The following ZNF19 variants were observed in gnomAD, a reference collection of about 807,000 sequenced individuals.
The protein encoded by ZNF19 is zinc finger protein 19 (KOX 12).
Under a neutral mutation model 13.1 loss-of-function variants are expected in ZNF19, and 11 were observed. The observed-to-expected ratio is 0.84, with a 90% CI of 0.53 to 1.39. The LOEUF (loss-of-function observed/expected upper bound fraction) is 1.39, where lower values mean the gene tolerates loss of function less well. Among genes scored for constraint, ZNF19 ranks in the 40% most tolerant of loss-of-function variants. The pLI is 0.00. For missense variants in ZNF19, 560 were observed against 547.0 expected (o/e 1.02, Z -0.24); for synonymous variants, 186 against 187.0 (o/e 0.99, Z 0.04).
intron 1 of ZNF19, 21 bp downstream of exon 1, chr16:71,489,251 T>C: frequency 1.0e-6 from 1 of 985,564 alleles, no homozygotes; most frequent in Non-Finnish European, 1.2e-6. Context: ...CGCCCAACTG[T>C]GGGTCCTTGC....
chr16:71,485,232 C>T (rs749948961), intron 1 of ZNF19, among the ~76,000 whole-genome samples: 1 of 151,870 alleles, frequency 6.6e-6, no homozygotes, highest in Non-Finnish European at 1.5e-5. Context: ...GGCAGATCAC[C>T]TGAGGTCAGG....
At position 71,481,609 on chromosome 16, in the gene ZNF19, A is replaced by G. The variant is rs77610862; in HGVS notation, c.33+473T>C. Among the ~76,000 whole-genome samples the G allele has an allele frequency of 1.6e-4, 25 of 152,312 alleles. No individual in the cohort carries two copies. The East Asian group carries it at 4.6e-3, about 28-fold the overall frequency. On this transcript the variant is annotated intron_variant, in intron 3 of 5. Transcript: ENST00000288177. ...CGCCAGCAGTACTGACCTCAAGGACATATGTTTCCTGATTCTGAAGCCCAA... is the reference window on the plus strand; with the variant it reads ...CGCCAGCAGTACTGACCTCAAGGACGTATGTTTCCTGATTCTGAAGCCCAA...
intron 3 of ZNF19, among the ~76,000 whole-genome samples, chr16:71,480,539 C>T (rs916002979): frequency 6.6e-6 from 1 of 152,222 alleles, no homozygotes. Context: ...CAAGTCCTGC[C>T]AATTTTATTA....
At chr16:71,480,045 G>C (rs1246460350) in intron 3 of ZNF19, among the ~76,000 whole-genome samples, 1 of 151,952 alleles carries the variant, frequency 6.6e-6, no homozygotes, top group Non-Finnish European at 1.5e-5. Context: ...CGTCTGCCTC[G>C]GCCTCCCAAA....
At chr16:71,478,170 T>G in intron 5 of ZNF19, 58 bp downstream of exon 5, 6 of 1,169,300 alleles carry the variant, frequency 5.1e-6, no homozygotes, top group Non-Finnish European at 7.5e-6. Flanking sequence ...TGATTCATTT[T>G]AAAATACAGT....
intron 5 of ZNF19, among the ~76,000 whole-genome samples, chr16:71,477,408 C>T (rs532901979): frequency 6.6e-6 from 1 of 152,208 alleles, no homozygotes; most frequent in Admixed American, 6.5e-5. Context: ...TTATTTTCCA[C>T]GTATTTGCTC....
Position 71,475,936 on chromosome 16 carries a change from A to G in ZNF19, c.611T>C (p.Leu204Ser), listed in dbSNP as rs562940678. ...CGKAFNGNSS[L>S]IRHQRIHTGE... ...AGTGTGAATCCTCTGGTGCCGAATT[A>G]ACGAAGAATTACCATTAAAGGCTTT... Residue 204 changes from leucine to serine, a missense_variant, in exon 6 of 6, where the codon TTA (leucine) becomes TCA (serine). By Grantham distance (145) the Leu-to-Ser change is moderately radical. Coordinates refer to ENST00000288177, the MANE Select transcript of ZNF19 (RefSeq NM_006961.4). 6.2e-7 allele frequency: 1 copy of G among 1,613,940 alleles called. No individual in the cohort carries two copies. Among genetic ancestry groups the G allele is most frequent in the African/African-American group, 1.3e-5 (1 of 74,968 alleles).
In ZNF19 at chr16:71,474,930, A is replaced by G. The variant is rs567054547; in HGVS notation, c.*240T>C. On this transcript the variant is annotated 3_prime_UTR_variant, in exon 6 of 6. Coordinates refer to ENST00000288177, the MANE Select transcript of ZNF19 (RefSeq NM_006961.4). Reference sequence around the variant, plus strand: ...TGTGGACTTCATTCTCACCTCTGTAAGAGTCTAGTTCTTCTTCTCAGCATT... The same window carrying G: ...TGTGGACTTCATTCTCACCTCTGTAGGAGTCTAGTTCTTCTTCTCAGCATT... The G allele has an allele frequency of 2.0e-5, 10 of 510,576 alleles. No individual in the cohort carries two copies. The Admixed American group carries it at 3.7e-4, about 19-fold the overall frequency. The allele number at this position is 510,576 out of a possible 1,614,324, so 31.6% of individuals were successfully genotyped here.
chr16:71,488,333 C>T (rs1201999900), intron 1 of ZNF19, among the ~76,000 whole-genome samples: 1 of 145,866 alleles, frequency 6.9e-6, no homozygotes, highest in East Asian at 2.0e-4. Context: ...GCACTCCAGC[C>T]TGGGTGACAG....
intron 5 of ZNF19, among the ~76,000 whole-genome samples, chr16:71,477,214 T>C (rs2043608419): frequency 6.6e-6 from 1 of 152,182 alleles, no homozygotes; most frequent in South Asian, 2.1e-4. Flanking sequence ...GTAAGGGAAC[T>C]CCGAAGGAGA....
At chr16:71,482,577 TTA>T (rs2043644545) in intron 2 of ZNF19, among the ~76,000 whole-genome samples, 1 of 152,178 alleles carries the variant, frequency 6.6e-6, no homozygotes, top group African/African-American at 2.4e-5. Flanking sequence ...TTTTGAACCT[TTA>T]ATTTTTCCCA....
At chr16:71,486,702 A>C (rs2145174310) in intron 1 of ZNF19, among the ~76,000 whole-genome samples, 1 of 152,366 alleles carries the variant, frequency 6.6e-6, no homozygotes, top group East Asian at 1.9e-4. Flanking sequence ...GCAGCAATAG[A>C]AAATTAATAG....
Position 71,484,607 on chromosome 16 carries a change from C to T in ZNF19, c.-48G>A, listed in dbSNP as rs2043662715. On this transcript the variant is annotated 5_prime_UTR_variant, in exon 2 of 6. Transcript: ENST00000288177. ...CACTCACCTCAGGAAAAACAGAAAG[C>T]GGTGCGTGAACGGAAGTGCGTCACT... The T allele has an allele frequency of 7.1e-6, 7 of 985,324 alleles. No homozygotes were observed. The South Asian group carries it at 1.4e-4, about 20-fold the overall frequency. The allele number at this position is 985,324 out of a possible 1,614,324, so 61.0% of individuals were successfully genotyped here. A position where few individuals can be genotyped will look rare whatever the true frequency, so the allele number is the denominator to read the frequency against.
intron 1 of ZNF19, among the ~76,000 whole-genome samples, chr16:71,486,497 T>G (rs2043679499): frequency 6.6e-6 from 1 of 152,196 alleles, no homozygotes; most frequent in Non-Finnish European, 1.5e-5. Context: ...CTCACTGGCT[T>G]TGAAGATGGA....
intron 4 of ZNF19, 97 bp downstream of exon 4, chr16:71,478,782 C>T (rs1261399367): frequency 6.7e-7 from 1 of 1,498,236 alleles, no homozygotes; most frequent in Non-Finnish European, 9.0e-7. Context: ...AAGAGACAAC[C>T]TCTCCTCTCC....
intron 1 of ZNF19, 161 bp downstream of exon 1, chr16:71,489,111 C>G: frequency 5.5e-6 from 2 of 366,838 alleles, no homozygotes; most frequent in Non-Finnish European, 7.6e-6. Flanking sequence ...GCTGTACAGC[C>G]TCCAAGAGCA....
intron 4 of ZNF19, chr16:71,478,575 G>C: frequency 5.8e-6 from 4 of 684,550 alleles, no homozygotes. Flanking sequence ...ACAGGGAAGG[G>C]GACATGCCCT....
chr16:71,478,203 T>G (rs756275350), intron 5 of ZNF19, 25 bp downstream of exon 5: 2 of 1,516,308 alleles, frequency 1.3e-6, no homozygotes, highest in South Asian at 2.3e-5. Context: ...GCTACAATTG[T>G]TGGTTCTAAA....
At chr16:71,484,142 C>A (rs1455733670) in intron 2 of ZNF19, among the ~76,000 whole-genome samples, 1 of 152,198 alleles carries the variant, frequency 6.6e-6, no homozygotes, top group African/African-American at 2.4e-5. Flanking sequence ...CACTAAGTCA[C>A]GGGCAGGTGG....
Sources: allele counts gnomAD v4.1 joint callset (sites outside exome capture counted in the v4.1 genomes callset), GRCh38; gene constraint gnomAD v4.1.1; transcripts MANE v1.5; gene names NCBI Gene and HGNC (gene_info 2026-07-23, HGNC 2026-07-21).